GRM7: variants seen among roughly 807,000 people sequenced by gnomAD.
The protein encoded by GRM7 is metabotropic glutamate receptor 7.
A neutral mutation model predicts 84.5 loss-of-function variants in GRM7; 35 were observed. The ratio of observed to expected loss-of-function variants is 0.41; its 90% CI spans 0.32 to 0.55. The LOEUF (loss-of-function observed/expected upper bound fraction) is 0.55, where lower values mean the gene tolerates loss of function less well. GRM7 is among the 20% of genes least tolerant of loss of function. The probability of loss-of-function intolerance (pLI) is 0.19; values close to 1 mark genes in which losing one functional copy is unlikely to be tolerated. For synonymous variants in GRM7, 487 were observed against 455.1 expected (o/e 1.07, Z -0.89); for missense variants, 1,003 against 1,194.6 (o/e 0.84, Z 2.36).
chr3:7,460,441 G>T (rs1698199951), intron 6 of GRM7, among the ~76,000 whole-genome samples: 1 of 152,006 alleles, frequency 6.6e-6, no homozygotes, highest in Non-Finnish European at 1.5e-5. Flanking sequence ...TTGGGAGAGG[G>T]TACTGATATT....
intron 1 of GRM7, among the ~76,000 whole-genome samples, chr3:6,912,805 T>A (rs138673953): frequency 6.6e-6 from 1 of 152,164 alleles, no homozygotes; most frequent in Non-Finnish European, 1.5e-5. Flanking sequence ...TTTAAAATAA[T>A]TTTTTAGAAT....
chr3:7,488,922 C>G (rs1280528962), intron 7 of GRM7, among the ~76,000 whole-genome samples: 3 of 151,208 alleles, frequency 2.0e-5, no homozygotes, highest in Non-Finnish European at 4.4e-5. Context: ...GACTGTGTAT[C>G]AAATGACACT....
intron 9 of GRM7, among the ~76,000 whole-genome samples, chr3:7,686,796 T>C (rs1474509744): frequency 6.6e-6 from 1 of 152,152 alleles, no homozygotes; most frequent in East Asian, 1.9e-4. Flanking sequence ...GTTTTCCTAC[T>C]GTGGGCTTAG....
chr3:7,566,089 G>A (rs907924141), intron 7 of GRM7, among the ~76,000 whole-genome samples: 12 of 139,386 alleles, frequency 8.6e-5, no homozygotes, highest in African/African-American at 2.7e-4. Context: ...GTTTTCTTTG[G>A]CTCTGAATCA....
At chr3:7,594,217 A>T (rs991682245) in intron 8 of GRM7, among the ~76,000 whole-genome samples, 8 of 152,056 alleles carry the variant, frequency 5.3e-5, no homozygotes, top group African/African-American at 1.5e-4. Flanking sequence ...TAGGCTTTTT[A>T]AAAAAATCCC....
chr3:7,550,863 A>T (rs1002722410), intron 7 of GRM7, among the ~76,000 whole-genome samples: 3 of 151,910 alleles, frequency 2.0e-5, no homozygotes, highest in African/African-American at 4.8e-5. Flanking sequence ...GTCTCAATTG[A>T]CTTAATCTTT....
chr3:7,268,657 A>G (rs372091812), intron 2 of GRM7, among the ~76,000 whole-genome samples: 1 of 152,172 alleles, frequency 6.6e-6, no homozygotes, highest in African/African-American at 2.4e-5. Context: ...AAGGGCCTAG[A>G]AAAGCAGAAA....
chr3:7,325,356 A>G (rs560694314), intron 4 of GRM7, among the ~76,000 whole-genome samples: 3 of 152,332 alleles, frequency 2.0e-5, no homozygotes, highest in East Asian at 3.9e-4. Context: ...AAGCTTCTCA[A>G]ATGTTTGCAT....
chr3:7,049,651 G>A (rs10514662), intron 1 of GRM7, among the ~76,000 whole-genome samples: 15,216 of 151,876 alleles, frequency 0.1, 1,040 homozygotes, highest in African/African-American at 0.19. Context: ...AAAAGCGTTC[G>A]TGAGGAAGGA....
intron 1 of GRM7, among the ~76,000 whole-genome samples, chr3:6,884,495 A>C (rs1358711255): frequency 6.6e-6 from 1 of 152,200 alleles, no homozygotes; most frequent in Non-Finnish European, 1.5e-5. Flanking sequence ...AGTTATAAAA[A>C]ACATCACCAT....
intron 1 of GRM7, among the ~76,000 whole-genome samples, chr3:7,077,234 A>G (rs1292066267): frequency 6.6e-6 from 1 of 152,216 alleles, no homozygotes; most frequent in African/African-American, 2.4e-5. Context: ...TGTATACCCA[A>G]AGGATTATAA....
intron 1 of GRM7, among the ~76,000 whole-genome samples, chr3:6,921,568 C>A (rs772832229): frequency 4.1e-4 from 62 of 152,056 alleles, no homozygotes; most frequent in Non-Finnish European, 7.4e-4. Context: ...ACTGATTTAA[C>A]AACAAACGTT....
intron 2 of GRM7, among the ~76,000 whole-genome samples, chr3:7,209,695 G>A (rs1696356335): frequency 6.6e-6 from 1 of 152,172 alleles, no homozygotes; most frequent in Non-Finnish European, 1.5e-5. Flanking sequence ...ATTGCAGGAG[G>A]AAGGGCTTAA....
At chr3:7,361,210 C>T (rs1266680742) in intron 4 of GRM7, among the ~76,000 whole-genome samples, 1 of 152,040 alleles carries the variant, frequency 6.6e-6, no homozygotes, top group Non-Finnish European at 1.5e-5. Context: ...GATTTACAAA[C>T]AATAAGTGTT....
intron 1 of GRM7, among the ~76,000 whole-genome samples, chr3:7,071,504 T>C (rs907158049): frequency 2.0e-5 from 3 of 152,052 alleles, no homozygotes; most frequent in Non-Finnish European, 4.4e-5. Context: ...CTCCTCACTG[T>C]TGGCATGCTT....
At chr3:7,195,100 A>C (rs1394537017) in intron 2 of GRM7, among the ~76,000 whole-genome samples, 1 of 152,188 alleles carries the variant, frequency 6.6e-6, no homozygotes, top group Non-Finnish European at 1.5e-5. Flanking sequence ...GGCCTAGTAC[A>C]TTATGCATAA....
intron 9 of GRM7, among the ~76,000 whole-genome samples, chr3:7,685,003 A>G (rs1208000235): frequency 6.6e-6 from 1 of 152,006 alleles, no homozygotes; most frequent in Non-Finnish European, 1.5e-5. Context: ...TGTTTCTCCC[A>G]CCTGCATCCT....
At chr3:7,064,113 T>A (rs998988393) in intron 1 of GRM7, among the ~76,000 whole-genome samples, 13 of 151,456 alleles carry the variant, frequency 8.6e-5, no homozygotes, top group Non-Finnish European at 1.6e-4. Flanking sequence ...TCATAAGTTA[T>A]TGAGGAACAG....
rs182787849 is a variant in GRM7 at position 7,645,314 on chromosome 3, C to T, written c.2452-34735C>T. ...CTGTAATCCCAGCACTTTGGGAGGC[C>T]AAGGCGGGCAGACCACAAGGTCAGG... On this transcript the variant is annotated intron_variant, in intron 8 of 9. Coordinates refer to ENST00000357716, the MANE Select transcript of GRM7 (RefSeq NM_000844.4). Among the ~76,000 whole-genome samples, 933 of 151,880 alleles carry T rather than the reference C, an allele frequency of 6.1e-3. 11 individuals carry two copies. Among genetic ancestry groups the T allele is most frequent in the African/African-American group, 0.018 (734 of 41,410 alleles).
Sources: gnomAD v4.1 joint callset for allele counts (sites outside exome capture counted in the v4.1 genomes callset) on GRCh38, gnomAD v4.1.1 for gene constraint, MANE v1.5 for transcripts, NCBI Gene and HGNC (gene_info 2026-07-23, HGNC 2026-07-21) for gene names.